AGXT: variants seen among roughly 807,000 people sequenced by gnomAD.
AGXT encodes the protein alanine--glyoxylate aminotransferase.
Under a neutral mutation model 46.9 loss-of-function variants are expected in AGXT, and 41 were observed. The ratio of observed to expected loss-of-function variants is 0.88; its 90% CI spans 0.68 to 1.14. The LOEUF (loss-of-function observed/expected upper bound fraction) is 1.14, where lower values mean the gene tolerates loss of function less well. AGXT is among the 50% of genes most tolerant of loss of function. The pLI is 0.00. For synonymous variants in AGXT, 244 were observed against 227.9 expected, an observed-to-expected ratio of 1.07 and a Z score of -0.64; for missense variants, 525 against 522.7, an observed-to-expected ratio of 1.00 and a Z score of -0.04.
chr2:240,873,806 G>A (rs1342572097), intron 5 of AGXT, among the ~76,000 whole-genome samples, 172 bp from the exon 6 acceptor site: 1 of 152,166 alleles, frequency 6.6e-6, no homozygotes, highest in African/African-American at 2.4e-5. Flanking sequence ...TGGCTGCCAC[G>A]CAGCAGTGCC....
intron 5 of AGXT, 42 bp from the exon 6 acceptor site, chr2:240,873,936 G>T (rs373293797): frequency 1.3e-6 from 2 of 1,586,338 alleles, no homozygotes; most frequent in South Asian, 2.2e-5. Context: ...GGCCTGCCCT[G>T]AGGTGGGACT....
rs2059033785 is a variant in AGXT at position 240,877,608 on chromosome 2, G to C, written c.918G>C (p.Gly306=). Residue 306 remains glycine (G), a synonymous_variant, in exon 9 of 11, where the codon GGG becomes GGC. Coordinates refer to ENST00000307503, the MANE Select transcript of AGXT (RefSeq NM_000030.3). ...TGCATGGGCGCCTGCAGGCACTGGGGCTGCAGCTCTTCGTGAAGGACCCGG... is the reference window on the plus strand; with the variant it reads ...TGCATGGGCGCCTGCAGGCACTGGGCCTGCAGCTCTTCGTGAAGGACCCGG... ...AYLHGRLQAL[G]LQLFVKDPAL... is the part of the protein sequence containing the mutation. 6.4e-7 allele frequency: 1 copy of C among 1,550,936 alleles called. No individual in the cohort carries two copies. The highest frequency in any genetic ancestry group is 8.7e-7 in the Non-Finnish European group (1 of 1,147,004).
chr2:240,874,491 G>T (rs913388252), intron 6 of AGXT, among the ~76,000 whole-genome samples: 2 of 152,262 alleles, frequency 1.3e-5, no homozygotes, highest in African/African-American at 4.8e-5. Flanking sequence ...GGCCGGGCAG[G>T]GGGTAGGGGA....
intron 8 of AGXT, chr2:240,876,933 G>A (rs1006603227): frequency 4.6e-6 from 1 of 218,738 alleles, no homozygotes; most frequent in African/African-American, 2.3e-5. Context: ...GCAGATTGCA[G>A]GGGCACATGC....
rs777895993 is a variant in AGXT, at chr2:240,875,158, A to G, written c.730A>G (p.Ile244Val). The part of the protein sequence containing the change: ...KTKPFSFYLD[I>V]KWLANFWGCD... ...GAAGCCCTTCTCCTTCTACCTGGAC[A>G]TCAAGTGGCTGGCCAACTTCTGGGG... The change falls in exon 7 of 11, where the codon ATC (isoleucine) becomes GTC (valine). Residue 244 changes from isoleucine to valine, a missense_variant. Ile to Val is a conservative substitution (Grantham distance 29). Transcript: ENST00000307503. The G allele has an allele frequency of 6.2e-7, 1 of 1,614,044 alleles. No individual in the cohort carries two copies. The highest frequency in any genetic ancestry group is 1.1e-5 in the South Asian group (1 of 91,082).
rs750538560 is a variant in AGXT, at chr2:240,879,265, C to A, written c.*444C>A. On this transcript the variant is annotated 3_prime_UTR_variant, in exon 11 of 11. Transcript: ENST00000307503. ...AGGAGGTGCTGTCACCACACTCTAG[C>A]CCCAGATGTCACACCCCCAAACGTC... is the stretch of plus-strand genomic sequence containing the variant. The A allele has an allele frequency of 1.2e-4, 29 of 247,554 alleles. No homozygotes were observed. The highest frequency in any genetic ancestry group is 2.1e-4 in the Non-Finnish European group (26 of 125,796). The allele number at this position is 247,554 out of a possible 1,614,324, so 15.3% of individuals were successfully genotyped here.
At chr2:240,877,465 C>T (rs538665556) in intron 8 of AGXT, 72 bp from the exon 9 acceptor site, 18 of 1,396,334 alleles carry the variant, frequency 1.3e-5, no homozygotes, top group Middle Eastern at 1.8e-4. Flanking sequence ...TTCTTCCTCC[C>T]GCACCACAGA....
rs781005938 is a variant in AGXT, at chr2:240,869,047, C to T, written c.165+17C>T. The T allele has an allele frequency of 1.2e-6, 2 of 1,611,452 alleles. No homozygotes were observed. Among genetic ancestry groups the T allele is most frequent in the Admixed American group, 3.3e-5 (2 of 60,014 alleles). On this transcript the variant is annotated intron_variant, in intron 1 of 10. Coordinates refer to ENST00000307503, the MANE Select transcript of AGXT (RefSeq NM_000030.3). ...ATGTACCAGGTAGGAGTGGGGGTCA[C>T]TCGGGGGGCCTGGGTCTCACCCATG...
chr2:240,878,144 G>C lies in AGXT; in HGVS notation c.1065G>C (p.Thr355=), dbSNP rs143488099. Residue 355 remains threonine, a synonymous_variant, in exon 10 of 11, where the codon ACG becomes ACC. Transcript: ENST00000307503. ...TCATGGGTGGCCTTGGGCCCTCCAC[G>C]GGGAAGGTGAGAGGGAGCGCCTCGA... ...IEIMGGLGPS[T]GKVLRIGLLG... The C allele has an allele frequency of 1.6e-5, 26 of 1,612,822 alleles. No homozygotes were observed. The highest frequency in any genetic ancestry group is 2.2e-5 in the Non-Finnish European group (26 of 1,179,960).
rs1457453721 is a variant in AGXT at position 240,880,042 on chromosome 2, C to T, written c.*1221C>T. 6.6e-6 allele frequency: 1 copy of T among 152,186 alleles called. No individual in the cohort carries two copies. The highest frequency in any genetic ancestry group is 6.5e-5 in the Admixed American group (1 of 15,284). The allele number at this position is 152,186 out of a possible 1,614,324, so 9.4% of individuals were successfully genotyped here. On this transcript the variant is annotated 3_prime_UTR_variant, in exon 11 of 11. Coordinates refer to ENST00000307503, the MANE Select transcript of AGXT (RefSeq NM_000030.3). ...TTGTTGGTTCATCACCATAGTTGAG[C>T]ATCTGGGTTATTTCTATTTTGGGGC...
rs149569747 is a variant in AGXT, at chr2:240,871,390, C to T, written c.465C>T (p.His155=). The T allele has an allele frequency of 2.4e-5, 38 of 1,599,972 alleles. No homozygotes were observed. The African/African-American group carries it at 3.1e-4, about 13-fold the overall frequency. The change falls in exon 4 of 11, where the codon CAC becomes CAT. Residue 155 remains histidine, a synonymous_variant. Coordinates refer to ENST00000307503, the MANE Select transcript of AGXT (RefSeq NM_000030.3). ...QHKPVLLFLT[H]GESSTGVLQP... ...AGCCAGTGCTGCTGTTCTTAACCCA[C>T]GGGGAGTCGTCCACCGGCGTGCTGC...
rs1221155938 is a variant in AGXT, at chr2:240,873,179, G to A, written c.595+130G>A. 4 of 773,770 alleles carry A rather than the reference G, an allele frequency of 5.2e-6. No homozygotes were observed. The East Asian group carries it at 7.7e-5, about 15-fold the overall frequency. The allele number at this position is 773,770 out of a possible 1,614,324, so 47.9% of individuals were successfully genotyped here. A position where few individuals can be genotyped will look rare whatever the true frequency, so the allele number is the denominator to read the frequency against. On this transcript the variant is annotated intron_variant, in intron 5 of 10. Transcript: ENST00000307503. ...CGGCCCCATCTCCACCAGGCCCAGG[G>A]AAACACTCACTCCTTACTGCGGCAA...
At chr2:240,873,641 G>C (rs1279984049) in intron 5 of AGXT, among the ~76,000 whole-genome samples, 2 of 152,202 alleles carry the variant, frequency 1.3e-5, no homozygotes, top group Non-Finnish European at 2.9e-5. Context: ...TCTCAGGCAG[G>C]AAGGGAGGGA....
chr2:240,873,129 C>T (rs114721034), intron 5 of AGXT, 80 bp downstream of exon 5: 22 of 1,256,524 alleles, frequency 1.8e-5, no homozygotes, highest in Admixed American at 5.2e-5. Flanking sequence ...TGGAAGCGTG[C>T]GTCCAGCAGC....
At position 240,874,980 on chromosome 2, in the gene AGXT, G is replaced by A. The variant is rs1484322142; in HGVS notation, c.681-129G>A. The A allele has an allele frequency of 6.6e-6, 5 of 762,872 alleles. No homozygotes were observed. The African/African-American group carries it at 6.9e-5, about 11-fold the overall frequency. 47.3% of individuals were successfully genotyped at this position (762,872 alleles called of 1,614,324 possible). Reference sequence around the variant, plus strand: ...CCCACTCTGGCCCCTGAGCACAAATGCAGCTGGGGCGGGCCCTCCTGGGGG... The same window carrying A: ...CCCACTCTGGCCCCTGAGCACAAATACAGCTGGGGCGGGCCCTCCTGGGGG... On this transcript the variant is annotated intron_variant, in intron 6 of 10. Transcript: ENST00000307503.
chr2:240,868,940 G>T lies in AGXT; in HGVS notation c.75G>T (p.Leu25=). Reference sequence around the variant, plus strand: ...CCCTCTCCATCCCCAACCAGCTCCTGCTGGGGCCTGGTCCTTCCAACCTGC... The same window carrying T: ...CCCTCTCCATCCCCAACCAGCTCCTTCTGGGGCCTGGTCCTTCCAACCTGC... The part of the protein sequence containing the change: ...LKPLSIPNQL[L]LGPGPSNLPP... The change falls in exon 1 of 11, where the codon CTG becomes CTT. Residue 25 remains leucine (L), a synonymous_variant. Transcript: ENST00000307503. The T allele has an allele frequency of 6.2e-7, 1 of 1,613,274 alleles. No homozygotes were observed. Among genetic ancestry groups the T allele is most frequent in the Non-Finnish European group, 8.5e-7 (1 of 1,180,022 alleles).
At chr2:240,874,550 C>G (rs776718095) in intron 6 of AGXT, among the ~76,000 whole-genome samples, 7 of 152,250 alleles carry the variant, frequency 4.6e-5, no homozygotes, top group Non-Finnish European at 8.8e-5. Flanking sequence ...AGCCTGGCAA[C>G]TGGAGGTGCC....
At chr2:240,872,899 C>A in intron 4 of AGXT, 80 bp from the exon 5 acceptor site, 2 of 1,292,774 alleles carry the variant, frequency 1.5e-6, no homozygotes, top group Non-Finnish European at 2.3e-6. Context: ...GGCTCAGAAA[C>A]CCCATCCAGC....
chr2:240,876,032 G>A, intron 8 of AGXT, 28 bp downstream of exon 8: 1 of 1,611,756 alleles, frequency 6.2e-7, no homozygotes. Context: ...CACAGGAGGA[G>A]ACAGGGCCAC....
Sources: allele counts gnomAD v4.1 joint callset (sites outside exome capture counted in the v4.1 genomes callset), GRCh38; gene constraint gnomAD v4.1.1; transcripts MANE v1.5; gene names NCBI Gene and HGNC (gene_info 2026-07-23, HGNC 2026-07-21).